SLC14A2: variants seen among roughly 807,000 people sequenced by gnomAD.
The protein encoded by SLC14A2 is solute carrier family 14 member 2, also known as urea transporter 2.
Under a neutral mutation model 104.6 loss-of-function variants are expected in SLC14A2, and 91 were observed. The ratio of observed to expected loss-of-function variants is 0.87; its 90% CI spans 0.73 to 1.04. SLC14A2 has a LOEUF of 1.04. SLC14A2 is among the 50% of genes least tolerant of loss of function. SLC14A2 has a pLI of 0.00. For synonymous variants in SLC14A2, 476 were observed against 466.4 expected (o/e 1.02, Z -0.27); for missense variants, 1,189 against 1,156.0 (o/e 1.03, Z -0.41).
chr18:45,587,833 C>A (rs376489476), intron 2 of SLC14A2, among the ~76,000 whole-genome samples: 1 of 152,046 alleles, frequency 6.6e-6, no homozygotes, highest in African/African-American at 2.4e-5. Flanking sequence ...TCTGCTATAT[C>A]GGTGTTGAAA....
chr18:45,497,185 A>G (rs2043111914), intron 2 of SLC14A2, among the ~76,000 whole-genome samples: 1 of 152,120 alleles, frequency 6.6e-6, no homozygotes. Flanking sequence ...GCAGAAAGTG[A>G]TTGCTGGATT....
chr18:45,533,535 G>A (rs562383229), intron 2 of SLC14A2, among the ~76,000 whole-genome samples: 10 of 152,128 alleles, frequency 6.6e-5, no homozygotes, highest in Middle Eastern at 6.8e-3. Context: ...CTGTGGGATC[G>A]GTGGTGATAT....
intron 2 of SLC14A2, among the ~76,000 whole-genome samples, chr18:45,510,674 C>A (rs911240941): frequency 6.6e-6 from 1 of 152,144 alleles, no homozygotes; most frequent in African/African-American, 2.4e-5. Flanking sequence ...TTCTACCCAC[C>A]GAGAGAGGCA....
chr18:45,261,026 T>C (rs1236772029), intron 1 of SLC14A2, among the ~76,000 whole-genome samples: 1 of 152,158 alleles, frequency 6.6e-6, no homozygotes, highest in Non-Finnish European at 1.5e-5. Context: ...TTTCTTTTTT[T>C]TTTTAATTTA....
the SLC14A2 span, among the ~76,000 whole-genome samples, chr18:45,182,862 T>C: frequency 2.6e-5 from 4 of 152,186 alleles, no homozygotes; most frequent in African/African-American, 4.8e-5. Flanking sequence ...TTGTAATTTA[T>C]AGGTTAATTC....
chr18:45,244,099 C>A (rs1039458516), intron 1 of SLC14A2, among the ~76,000 whole-genome samples: 1 of 152,172 alleles, frequency 6.6e-6, no homozygotes, highest in Admixed American at 6.5e-5. Context: ...TCCTGGACTG[C>A]CAAGTTCCGG....
intron 1 of SLC14A2, among the ~76,000 whole-genome samples, chr18:45,250,701 C>CTG (rs956135936): frequency 2.0e-5 from 3 of 147,886 alleles, no homozygotes; most frequent in Admixed American, 1.3e-4. Context: ...GTCAAAAGGG[C>CTG]TGAATGTTCC....
intron 1 of SLC14A2, among the ~76,000 whole-genome samples, chr18:45,464,467 T>G (rs2542995): frequency 0.25 from 38,096 of 151,984 alleles, 4,818 homozygotes; most frequent in Non-Finnish European, 0.27. Context: ...AATGAAGTCT[T>G]GTGGATGAAT....
the SLC14A2 span, among the ~76,000 whole-genome samples, chr18:45,184,292 T>C: frequency 6.6e-6 from 1 of 152,228 alleles, no homozygotes; most frequent in African/African-American, 2.4e-5. Flanking sequence ...CAAATACATG[T>C]AGTAAGTTAA....
the SLC14A2 span, among the ~76,000 whole-genome samples, chr18:45,207,795 T>A: frequency 2.0e-5 from 3 of 151,802 alleles, no homozygotes; most frequent in Non-Finnish European, 4.4e-5. Flanking sequence ...GTATTGCATT[T>A]TTTTTAAAAA....
chr18:45,424,388 G>C (rs1457209655), intron 1 of SLC14A2, among the ~76,000 whole-genome samples: 3 of 152,214 alleles, frequency 2.0e-5, no homozygotes, highest in Non-Finnish European at 4.4e-5. Flanking sequence ...GTGGGAGATG[G>C]TGAGCAATGA....
At chr18:45,249,386 T>C (rs920688224) in intron 1 of SLC14A2, among the ~76,000 whole-genome samples, 4 of 152,068 alleles carry the variant, frequency 2.6e-5, no homozygotes, top group African/African-American at 9.6e-5. Flanking sequence ...GAGCAGCTGC[T>C]CTGGGTTTGT....
chr18:45,314,059 C>T (rs1386494721), intron 1 of SLC14A2, among the ~76,000 whole-genome samples: 1 of 152,194 alleles, frequency 6.6e-6, no homozygotes, highest in Non-Finnish European at 1.5e-5. Context: ...AAGCACAGGC[C>T]TGACACAGTG....
chr18:45,248,410 C>T (rs2084388398), intron 1 of SLC14A2, among the ~76,000 whole-genome samples: 1 of 152,052 alleles, frequency 6.6e-6, no homozygotes, highest in African/African-American at 2.4e-5. Flanking sequence ...GATCCCTGGG[C>T]AGAAGGGATT....
At chr18:45,567,799 C>A (rs1483558242) in intron 2 of SLC14A2, among the ~76,000 whole-genome samples, 2 of 152,072 alleles carry the variant, frequency 1.3e-5, no homozygotes, top group Admixed American at 6.5e-5. Flanking sequence ...AAGAGGAGGG[C>A]CTATAAAATG....
intron 10 of SLC14A2, chr18:45,644,441 A>C (rs911840051): frequency 6.3e-6 from 2 of 318,686 alleles, no homozygotes; most frequent in South Asian, 2.3e-4. Flanking sequence ...TTGTTGACTT[A>C]AAACAAAAAC....
chr18:45,320,012 C>T (rs970964470), intron 1 of SLC14A2, among the ~76,000 whole-genome samples: 2 of 152,204 alleles, frequency 1.3e-5, no homozygotes, highest in Admixed American at 6.5e-5. Flanking sequence ...AAAAAGCTTT[C>T]TTCCCAGGCG....
intron 1 of SLC14A2, among the ~76,000 whole-genome samples, chr18:45,301,846 C>T (rs1174802929): frequency 6.6e-6 from 1 of 152,208 alleles, no homozygotes; most frequent in African/African-American, 2.4e-5. Context: ...ATTTATTTGT[C>T]CTTGAGTGTG....
intron 6 of SLC14A2, among the ~76,000 whole-genome samples, chr18:45,638,852 G>A (rs1380636712): frequency 1.3e-5 from 2 of 152,198 alleles, no homozygotes; most frequent in Non-Finnish European, 2.9e-5. Context: ...AGTGAACTGT[G>A]CAGAGCCCTG....
Sources: gnomAD v4.1 joint callset for allele counts (sites outside exome capture counted in the v4.1 genomes callset) on GRCh38, gnomAD v4.1.1 for gene constraint, MANE v1.5 for transcripts, NCBI Gene and HGNC (gene_info 2026-07-23, HGNC 2026-07-21) for gene names.